Variants in KLHL2 observed in about 807,000 individuals in gnomAD.
KLHL2 encodes kelch-like protein 2.
KLHL2 carries 15 observed loss-of-function variants against 75.8 expected under a neutral mutation model. That is an observed-to-expected ratio of 0.20 (90% CI 0.13 to 0.30). The LOEUF is 0.30. Among genes scored for constraint, KLHL2 ranks in the 10% least tolerant of loss-of-function variants. The probability of loss-of-function intolerance (pLI) is 1.00; values close to 1 mark genes in which losing one functional copy is unlikely to be tolerated. For synonymous variants in KLHL2, 214 were observed against 251.9 expected, an observed-to-expected ratio of 0.85 and a Z score of 1.42; for missense variants, 381 against 741.0, an observed-to-expected ratio of 0.51 and a Z score of 5.64.
At chr4:165,229,235 TA>T (rs1445206571) in intron 3 of KLHL2, among the ~76,000 whole-genome samples, 16 of 152,342 alleles carry the variant, frequency 1.1e-4, no homozygotes, top group Non-Finnish European at 1.9e-4. Context: ...TTACATTTTT[TA>T]AAATGATTTT....
intron 5 of KLHL2, among the ~76,000 whole-genome samples, chr4:165,284,746 A>G (rs1393909477): frequency 6.6e-6 from 1 of 152,094 alleles, no homozygotes; most frequent in Non-Finnish European, 1.5e-5. Context: ...GTACTGGTTC[A>G]TTTTCACACT....
At chr4:165,303,601 C>A (rs144274429) in intron 8 of KLHL2, among the ~76,000 whole-genome samples, 1 of 150,994 alleles carries the variant, frequency 6.6e-6, no homozygotes, top group South Asian at 2.1e-4. Context: ...GTCGCTCTTT[C>A]GCCCAGGCTG....
At chr4:165,272,210 C>T (rs1742749164) in intron 5 of KLHL2, among the ~76,000 whole-genome samples, 1 of 152,020 alleles carries the variant, frequency 6.6e-6, no homozygotes, top group Non-Finnish European at 1.5e-5. Flanking sequence ...TCTAGGAAGC[C>T]GATTTACAGA....
Position 165,314,321 on chromosome 4 carries a change from T to C in KLHL2, c.1609+155T>C, listed in dbSNP as rs528681899. Among the ~76,000 whole-genome samples, 12 of 152,318 alleles carry C rather than the reference T, an allele frequency of 7.9e-5. No homozygotes were observed. The Middle Eastern group carries it at 0.01, about 130-fold the overall frequency. The stretch of plus-strand genomic sequence containing the variant: ...TGAACTCTTTAAAGCCAGAAACTTA[T>C]GTAATAATCCTATAAAGTGAATGCC... On this transcript the variant is annotated intron_variant, in intron 13 of 14. Transcript: ENST00000226725.
chr4:165,299,106 A>C (rs565190207), intron 7 of KLHL2, among the ~76,000 whole-genome samples: 2 of 149,834 alleles, frequency 1.3e-5, no homozygotes. Context: ...TGAAAAAGGT[A>C]TCATTAACTT....
chr4:165,212,277 G>A (rs1238782462), intron 1 of KLHL2, among the ~76,000 whole-genome samples: 3 of 152,136 alleles, frequency 2.0e-5, no homozygotes, highest in Non-Finnish European at 2.9e-5. Flanking sequence ...GGATAAAAGG[G>A]TAGAGAATAA....
intron 5 of KLHL2, among the ~76,000 whole-genome samples, chr4:165,270,660 A>G (rs1294530433): frequency 1.3e-5 from 2 of 152,180 alleles, no homozygotes; most frequent in Non-Finnish European, 2.9e-5. Flanking sequence ...GCTGCAGAAC[A>G]GCAGATATTG....
At chr4:165,225,205 G>A (rs1439386479) in intron 2 of KLHL2, among the ~76,000 whole-genome samples, 1 of 152,028 alleles carries the variant, frequency 6.6e-6, no homozygotes, top group Non-Finnish European at 1.5e-5. Flanking sequence ...CTTTAGATTT[G>A]AGCTTAGAAG....
chr4:165,293,522 G>A (rs557170736), intron 5 of KLHL2, among the ~76,000 whole-genome samples: 3 of 147,800 alleles, frequency 2.0e-5, no homozygotes, highest in East Asian at 2.0e-4. Context: ...TTTCTGAGAC[G>A]GAGTCTTGCT....
intron 5 of KLHL2, among the ~76,000 whole-genome samples, chr4:165,269,685 G>C (rs1352328895): frequency 6.7e-6 from 1 of 150,018 alleles, no homozygotes; most frequent in Non-Finnish European, 1.5e-5. Context: ...GAAATCTGCT[G>C]TTAGTCTGAT....
intron 3 of KLHL2, among the ~76,000 whole-genome samples, chr4:165,234,847 T>C (rs990422755): frequency 6.6e-6 from 1 of 152,016 alleles, no homozygotes; most frequent in African/African-American, 2.4e-5. Context: ...TAAAAGTAGA[T>C]AGGAGACTGG....
intron 5 of KLHL2, among the ~76,000 whole-genome samples, chr4:165,288,336 G>T (rs568839744): frequency 6.6e-6 from 1 of 151,710 alleles, no homozygotes; most frequent in Non-Finnish European, 1.5e-5. Context: ...ATATTTGAAC[G>T]GTATACATTG....
At chr4:165,222,740 A>C (rs1738103807) in intron 2 of KLHL2, among the ~76,000 whole-genome samples, 1 of 152,172 alleles carries the variant, frequency 6.6e-6, no homozygotes, top group South Asian at 2.1e-4. Context: ...ATCATTAATT[A>C]TTTCCTGTCC....
At chr4:165,229,655 C>G (rs1348020386) in intron 3 of KLHL2, among the ~76,000 whole-genome samples, 1 of 152,196 alleles carries the variant, frequency 6.6e-6, no homozygotes, top group Non-Finnish European at 1.5e-5. Flanking sequence ...CATACAAAAA[C>G]AATGTGAACA....
chr4:165,244,877 T>A (rs987775733), intron 4 of KLHL2, among the ~76,000 whole-genome samples: 2 of 152,156 alleles, frequency 1.3e-5, no homozygotes, highest in Non-Finnish European at 2.9e-5. Context: ...TTTGTGTGTG[T>A]GTTTTTTTTG....
intron 12 of KLHL2, 28 bp from the exon 13 acceptor site, chr4:165,313,998 C>G (rs1403188298): frequency 6.3e-7 from 1 of 1,588,808 alleles, no homozygotes. Flanking sequence ...TCTTTTTGCC[C>G]CTCTATTTGG....
chr4:165,247,877 G>A (rs889376537), intron 4 of KLHL2, among the ~76,000 whole-genome samples: 2 of 152,274 alleles, frequency 1.3e-5, no homozygotes, highest in East Asian at 1.9e-4. Flanking sequence ...TTTGAGATTC[G>A]CAGTCATAAA....
chr4:165,264,049 C>G (rs1288241411), intron 5 of KLHL2, among the ~76,000 whole-genome samples: 2 of 151,964 alleles, frequency 1.3e-5, no homozygotes, highest in East Asian at 1.9e-4. Flanking sequence ...CCCTTCAGAC[C>G]CCTCATCTCT....
chr4:165,289,824 A>C (rs1268207778), intron 5 of KLHL2, among the ~76,000 whole-genome samples: 1 of 152,176 alleles, frequency 6.6e-6, no homozygotes, highest in Non-Finnish European at 1.5e-5. Context: ...AGTATGGAAA[A>C]GTTCTCTCAG....
Sources: gnomAD v4.1 joint callset for allele counts (sites outside exome capture counted in the v4.1 genomes callset) on GRCh38, gnomAD v4.1.1 for gene constraint, MANE v1.5 for transcripts, NCBI Gene and HGNC (gene_info 2026-07-23, HGNC 2026-07-21) for gene names.